Variants in SAMD5 observed in about 807,000 individuals in gnomAD.
SAMD5 encodes the protein sterile alpha motif domain containing 5.
In SAMD5, 13 loss-of-function variants were observed where a neutral mutation model predicts 11.3. The ratio of observed to expected loss-of-function variants is 1.15; its 90% CI spans 0.75 to 1.83. SAMD5 has a LOEUF of 1.83. SAMD5 is among the 40% of genes most tolerant of loss of function. The pLI is 0.00. For synonymous variants in SAMD5, 129 were observed against 111.3 expected (o/e 1.16, Z -1.00); for missense variants, 255 against 239.1 (o/e 1.07, Z -0.44).
rs1216780510 is a variant in SAMD5 at position 147,565,296 on chromosome 6, A to G, written c.*840A>G. 6.1e-6 allele frequency: 6 copies of G among 985,696 alleles called. No homozygotes were observed. The highest frequency in any genetic ancestry group is 7.2e-6 in the Non-Finnish European group (6 of 829,960). The allele number at this position is 985,696 out of a possible 1,614,324, so 61.1% of individuals were successfully genotyped here. ...TCCCACCTTGCTCTCCAGGCTTCTG[A>G]CTTCAGGCCTGTGGGGGCCGGGAGG... On this transcript the variant is annotated 3_prime_UTR_variant, in exon 2 of 2. Coordinates refer to ENST00000367474, the MANE Select transcript of SAMD5 (RefSeq NM_001030060.3).
the SAMD5 span, among the ~76,000 whole-genome samples, chr6:147,816,705 C>T: frequency 7.2e-5 from 11 of 151,740 alleles, no homozygotes; most frequent in South Asian, 2.1e-4. Context: ...TTGGAGGTAA[C>T]GAATTGAAAG....
At chr6:147,885,042 T>C in the SAMD5 span, among the ~76,000 whole-genome samples, 1 of 152,236 alleles carries the variant, frequency 6.6e-6, no homozygotes, top group Non-Finnish European at 1.5e-5. Context: ...AAAAAAGTTT[T>C]TAAAATCATA....
intron 1 of SAMD5, among the ~76,000 whole-genome samples, chr6:147,561,021 C>T (rs1415762812): frequency 2.0e-5 from 3 of 152,052 alleles, no homozygotes; most frequent in Non-Finnish European, 4.4e-5. Context: ...CAATGTTTTC[C>T]TAGAAATAGG....
the SAMD5 span, among the ~76,000 whole-genome samples, chr6:147,871,253 G>A: frequency 2.0e-5 from 3 of 152,110 alleles, no homozygotes; most frequent in East Asian, 5.8e-4. Context: ...AGAGTGAAAA[G>A]CATACACAAA....
chr6:147,525,496 C>T (rs1446847695), intron 1 of SAMD5, among the ~76,000 whole-genome samples: 4 of 151,628 alleles, frequency 2.6e-5, no homozygotes, highest in African/African-American at 4.9e-5. Flanking sequence ...TTTCAGTAAA[C>T]TCTATTAATT....
chr6:147,727,825 T>A (rs1329255789), intron 1 of SAMD5, among the ~76,000 whole-genome samples: 2 of 152,204 alleles, frequency 1.3e-5, no homozygotes, highest in African/African-American at 4.8e-5. Context: ...TGATACTACC[T>A]TTTTGTCCCA....
chr6:147,837,424 A>C, the SAMD5 span, among the ~76,000 whole-genome samples: 3 of 152,234 alleles, frequency 2.0e-5, no homozygotes, highest in East Asian at 3.8e-4. Context: ...AGCTGGACAG[A>C]AAGTAGCTTA....
intron 1 of SAMD5, among the ~76,000 whole-genome samples, chr6:147,554,875 C>T (rs702334): frequency 0.36 from 54,443 of 152,050 alleles, 11,147 homozygotes; most frequent in East Asian, 0.66. Flanking sequence ...TCTCAAAGTG[C>T]CGTCCCCAAG....
At chr6:147,574,127 C>CA (rs146944147), downstream of SAMD5, among the ~76,000 whole-genome samples, 42,622 of 130,178 alleles carry the variant, frequency 0.33, 6,867 homozygotes, top group East Asian at 0.43. Context: ...GACTGTGTCT[C>CA]AAAAAAAAAA....
chr6:147,739,979 C>G (rs1414190205), downstream of SAMD5, among the ~76,000 whole-genome samples: 1 of 152,020 alleles, frequency 6.6e-6, no homozygotes, highest in Non-Finnish European at 1.5e-5. Context: ...GCCACCACGC[C>G]CGGCCAATTT....
chr6:147,592,515 A>T (rs969149677), intron 1 of SAMD5, among the ~76,000 whole-genome samples: 1 of 152,088 alleles, frequency 6.6e-6, no homozygotes, highest in Middle Eastern at 3.2e-3. Context: ...GCTCCTGTGG[A>T]TTTAAAGAGT....
downstream of SAMD5, among the ~76,000 whole-genome samples, chr6:147,739,367 C>T (rs7751400): frequency 4.6e-5 from 7 of 152,076 alleles, no homozygotes; most frequent in African/African-American, 1.2e-4. Context: ...AGGCGCAGGC[C>T]GGAAGACCAT....
intron 1 of SAMD5, among the ~76,000 whole-genome samples, chr6:147,596,491 G>T (rs1789532955): frequency 6.6e-6 from 1 of 152,078 alleles, no homozygotes; most frequent in Non-Finnish European, 1.5e-5. Context: ...AATTATAATG[G>T]AGACTAATGT....
chr6:147,766,563 A>C, the SAMD5 span, among the ~76,000 whole-genome samples: 1 of 152,246 alleles, frequency 6.6e-6, no homozygotes, highest in Non-Finnish European at 1.5e-5. Context: ...CAACAGTTTT[A>C]TGCCCAGGCA....
chr6:147,932,535 CTCTTACCCTCTCTCCT>C, the SAMD5 span, among the ~76,000 whole-genome samples: 1 of 151,894 alleles, frequency 6.6e-6, no homozygotes, highest in African/African-American at 2.4e-5. Context: ...GTCTTCCCAA[CTCTTACCCTCTCTCCT>C]TGAACTGAAA....
At chr6:147,582,562 G>T (rs949801958) in intron 1 of SAMD5, among the ~76,000 whole-genome samples, 2 of 152,188 alleles carry the variant, frequency 1.3e-5, no homozygotes, top group Non-Finnish European at 2.9e-5. Flanking sequence ...TCGGCATGGG[G>T]CTTTAGGAAA....
chr6:147,905,116 G>A, the SAMD5 span, among the ~76,000 whole-genome samples: 2 of 152,048 alleles, frequency 1.3e-5, no homozygotes, highest in African/African-American at 4.8e-5. Context: ...TCGAACTCCC[G>A]ACCTCAGGTG....
At chr6:147,710,922 A>G (rs937476279) in intron 1 of SAMD5, among the ~76,000 whole-genome samples, 3 of 151,600 alleles carry the variant, frequency 2.0e-5, no homozygotes, top group African/African-American at 7.3e-5. Flanking sequence ...TATATACACT[A>G]CCTAGCTAGT....
chr6:147,511,333 G>T (rs1423672713), intron 1 of SAMD5, among the ~76,000 whole-genome samples: 1 of 152,220 alleles, frequency 6.6e-6, no homozygotes, highest in Non-Finnish European at 1.5e-5. Context: ...CAGCACATAG[G>T]CTTTGAACTC....
Sources: gnomAD v4.1 joint callset for allele counts (sites outside exome capture counted in the v4.1 genomes callset) on GRCh38, gnomAD v4.1.1 for gene constraint, MANE v1.5 for transcripts, NCBI Gene and HGNC (gene_info 2026-07-23, HGNC 2026-07-21) for gene names.